Variants in TLL2 observed in about 807,000 individuals in gnomAD.
The protein encoded by TLL2 is tolloid-like protein 2.
TLL2 carries 106 observed loss-of-function variants against 123.0 expected under a neutral mutation model. That is an observed-to-expected ratio of 0.86 (90% CI 0.74 to 1.01). The LOEUF (loss-of-function observed/expected upper bound fraction) is 1.01. Among genes scored for constraint, TLL2 ranks in the 50% least tolerant of loss-of-function variants. The probability of loss-of-function intolerance (pLI) is 0.00; values close to 1 mark genes in which losing one functional copy is unlikely to be tolerated. For missense variants in TLL2, 1,332 were observed against 1,336.7 expected, an observed-to-expected ratio of 1.00 and a Z score of 0.06; for synonymous variants, 494 against 516.8, an observed-to-expected ratio of 0.96 and a Z score of 0.60.
Position 96,368,068 on chromosome 10 carries a change from GT to G in TLL2, c.*19del, listed in dbSNP as rs534647249. ...AAAACAAAAAAAATTCTCAGTTTCT[GT>G]CTTTCAAGAACATCAGCACTATTTC... On this transcript the variant is annotated 3_prime_UTR_variant, in exon 21 of 21. Transcript: ENST00000357947. 294 of 1,610,904 alleles carry G rather than the reference GT, an allele frequency of 1.8e-4. No individual in the cohort carries two copies. Among genetic ancestry groups the G allele is most frequent in the Non-Finnish European group, 2.5e-4 (291 of 1,178,514 alleles).
At chr10:96,393,917 G>T (rs564906327) in intron 13 of TLL2, among the ~76,000 whole-genome samples, 2 of 152,028 alleles carry the variant, frequency 1.3e-5, no homozygotes, top group Non-Finnish European at 2.9e-5. Flanking sequence ...CTCCACAGCC[G>T]TCCTTTCTTT....
intron 2 of TLL2, among the ~76,000 whole-genome samples, chr10:96,463,619 G>A (rs1332095978): frequency 6.6e-6 from 1 of 152,194 alleles, no homozygotes; most frequent in Non-Finnish European, 1.5e-5. Context: ...CAGGCTCCCA[G>A]GCAGGGGGAG....
At chr10:96,446,058 G>A in intron 3 of TLL2, 33 bp downstream of exon 3, 1 of 1,607,420 alleles carries the variant, frequency 6.2e-7, no homozygotes, top group Non-Finnish European at 8.5e-7. Context: ...AAGAAAACAA[G>A]GTACCCAAAG....
chr10:96,409,896 A>T (rs1846484389), intron 9 of TLL2, among the ~76,000 whole-genome samples: 1 of 152,150 alleles, frequency 6.6e-6, no homozygotes, highest in Non-Finnish European at 1.5e-5. Flanking sequence ...GCAGCCAAGG[A>T]GTGGCTGTTT....
At chr10:96,440,843 T>C (rs1276490511) in intron 3 of TLL2, among the ~76,000 whole-genome samples, 1 of 152,214 alleles carries the variant, frequency 6.6e-6, no homozygotes. Flanking sequence ...ATTAAAAATA[T>C]GTCTAAACAG....
At chr10:96,420,923 A>T in intron 7 of TLL2, 33 bp downstream of exon 7, 1 of 1,602,018 alleles carries the variant, frequency 6.2e-7, no homozygotes, top group Non-Finnish European at 8.6e-7. Context: ...AGGCACAGTA[A>T]AACACAGACG....
At chr10:96,396,087 T>A in intron 11 of TLL2, 67 bp from the exon 12 acceptor site, 2 of 1,564,156 alleles carry the variant, frequency 1.3e-6, no homozygotes, top group South Asian at 2.4e-5. Flanking sequence ...GAAGGAAGGT[T>A]GGGGAGGCGG....
intron 16 of TLL2, among the ~76,000 whole-genome samples, chr10:96,383,805 G>A (rs1423679134): frequency 9.0e-5 from 8 of 89,256 alleles, no homozygotes; most frequent in Admixed American, 1.2e-4. Flanking sequence ...TTTTTTTTTT[G>A]TATTTTTAGT....
intron 1 of TLL2, among the ~76,000 whole-genome samples, chr10:96,512,302 A>T (rs1459695977): frequency 2.0e-5 from 3 of 152,114 alleles, no homozygotes; most frequent in African/African-American, 7.2e-5. Context: ...AATAAAAAAT[A>T]ACGACAATGC....
At chr10:96,498,749 T>C (rs1847504179) in intron 1 of TLL2, among the ~76,000 whole-genome samples, 1 of 152,182 alleles carries the variant, frequency 6.6e-6, no homozygotes, top group African/African-American at 2.4e-5. Context: ...ACCCCTTCCA[T>C]ATCCAAACCA....
At chr10:96,395,846 C>T in intron 12 of TLL2, 29 bp downstream of exon 12, 1 of 1,606,852 alleles carries the variant, frequency 6.2e-7, no homozygotes, top group East Asian at 2.2e-5. Context: ...TTGCCGTTTC[C>T]TTGGGAAGCC....
chr10:96,450,233 AG>A (rs1418251906), intron 2 of TLL2, among the ~76,000 whole-genome samples: 1 of 152,188 alleles, frequency 6.6e-6, no homozygotes, highest in Non-Finnish European at 1.5e-5. Context: ...GTGTTTAAAA[AG>A]AGAAATCAAT....
chr10:96,413,249 G>T lies in TLL2; in HGVS notation c.991C>A (p.Arg331Ser), dbSNP rs143633465. Reference protein sequence around the residue: ...DNGVRPTIGQRVRLSQGDIAQ... With the variant: ...DNGVRPTIGQSVRLSQGDIAQ... Reference sequence around the variant, plus strand: ...ATGTCTCCCTGACTGAGCCGCACGCGCTGGCCAATGGTTGGCCTGACGCCA... The same window carrying T: ...ATGTCTCCCTGACTGAGCCGCACGCTCTGGCCAATGGTTGGCCTGACGCCA... Residue 331 changes from arginine to serine, a missense_variant, in exon 8 of 21, where the codon CGC (arginine) becomes AGC (serine). By Grantham distance (110) the Arg-to-Ser change is moderately radical. Transcript: ENST00000357947. The T allele has an allele frequency of 2.2e-5, 36 of 1,614,042 alleles. No individual in the cohort carries two copies. Among genetic ancestry groups the T allele is most frequent in the Non-Finnish European group, 3.1e-5 (36 of 1,180,004 alleles).
chr10:96,387,402 AC>A (rs1846246605), intron 13 of TLL2, among the ~76,000 whole-genome samples: 1 of 152,230 alleles, frequency 6.6e-6, no homozygotes, highest in Admixed American at 6.5e-5. Context: ...AACATTCCAT[AC>A]CAAAGACTTC....
intron 2 of TLL2, among the ~76,000 whole-genome samples, chr10:96,460,769 C>G (rs2134094366): frequency 6.6e-6 from 1 of 152,332 alleles, no homozygotes; most frequent in East Asian, 1.9e-4. Flanking sequence ...ATCGCCCAGT[C>G]TCAGGTAGTT....
chr10:96,510,430 T>C (rs1847617710), intron 1 of TLL2, among the ~76,000 whole-genome samples: 1 of 152,366 alleles, frequency 6.6e-6, no homozygotes, highest in South Asian at 2.1e-4. Flanking sequence ...CATCCCTTTT[T>C]ACAGCATCAA....
intron 7 of TLL2, among the ~76,000 whole-genome samples, chr10:96,418,097 A>T (rs1846582266): frequency 6.6e-6 from 1 of 152,126 alleles, no homozygotes; most frequent in African/African-American, 2.4e-5. Flanking sequence ...TTTTTATTTC[A>T]TGGGTTTGGC....
At chr10:96,460,941 T>C (rs1415976276) in intron 2 of TLL2, among the ~76,000 whole-genome samples, 1 of 152,170 alleles carries the variant, frequency 6.6e-6, no homozygotes, top group African/African-American at 2.4e-5. Flanking sequence ...CACCTTGATC[T>C]TGGACTTCCC....
At chr10:96,413,616 A>G (rs1244885999) in intron 7 of TLL2, among the ~76,000 whole-genome samples, 1 of 152,148 alleles carries the variant, frequency 6.6e-6, no homozygotes, top group Non-Finnish European at 1.5e-5. Flanking sequence ...ATTTTCATGA[A>G]GCCCTGACAG....
Sources: allele counts gnomAD v4.1 joint callset (sites outside exome capture counted in the v4.1 genomes callset), GRCh38; gene constraint gnomAD v4.1.1; transcripts MANE v1.5; gene names NCBI Gene and HGNC (gene_info 2026-07-23, HGNC 2026-07-21).